CADM2: variants seen among roughly 807,000 people sequenced by gnomAD.
CADM2 encodes the protein cell adhesion molecule 2.
CADM2 carries 12 observed loss-of-function variants against 49.8 expected under a neutral mutation model. The ratio of observed to expected loss-of-function variants is 0.24; its 90% CI spans 0.15 to 0.39. The LOEUF (loss-of-function observed/expected upper bound fraction) is 0.39, where lower values mean the gene tolerates loss of function less well. Ranked by LOEUF, CADM2 falls within the 10% of genes least tolerant of loss-of-function variation. CADM2 has a pLI of 1.00. For missense variants in CADM2, 378 were observed against 492.3 expected (o/e 0.77, Z 2.20); for synonymous variants, 214 against 175.4 (o/e 1.22, Z -1.74).
intron 5 of CADM2, among the ~76,000 whole-genome samples, chr3:85,896,072 A>G (rs1386927128): frequency 1.3e-5 from 2 of 152,152 alleles, no homozygotes; most frequent in African/African-American, 4.8e-5. Context: ...AGGAGGATCA[A>G]TTGAACCCAA....
rs1371115020 is a variant in CADM2, at chr3:85,541,717, ATTATATATATATATT to A, written c.62-184792_62-184778del. Among the ~76,000 whole-genome samples, 116 of 135,530 alleles carry A rather than the reference ATTATATATATATATT, an allele frequency of 8.6e-4. 6 individuals are homozygous for A. The highest frequency in any genetic ancestry group is 3.3e-3 in the African/African-American group (114 of 34,760). The allele number at this position is 135,530 out of a possible 152,430, so 88.9% of individuals were successfully genotyped here. ...GAATTAAATTATATATATATTTTAT[ATTATATATATATATT>A]TTATATATATATTTTATATATTTTA... On this transcript the variant is annotated intron_variant, in intron 1 of 9. Coordinates refer to ENST00000383699, the MANE Select transcript of CADM2 (RefSeq NM_001167675.2).
chr3:85,333,683 C>A (rs1230914778), intron 1 of CADM2, among the ~76,000 whole-genome samples: 1 of 151,788 alleles, frequency 6.6e-6, no homozygotes, highest in Non-Finnish European at 1.5e-5. Context: ...TTCACATGGC[C>A]TTCCAACATT....
chr3:85,016,449 T>C (rs1248937047), intron 1 of CADM2, among the ~76,000 whole-genome samples: 2 of 152,194 alleles, frequency 1.3e-5, no homozygotes, highest in Non-Finnish European at 2.9e-5. Context: ...AGTAGACCTA[T>C]ACCTTTGCAT....
intron 1 of CADM2, among the ~76,000 whole-genome samples, chr3:85,581,122 A>G (rs1213363620): frequency 1.3e-5 from 2 of 152,174 alleles, no homozygotes; most frequent in African/African-American, 4.8e-5. Context: ...GTTTAGAAAC[A>G]TGCCTAATTT....
chr3:85,061,387 A>G (rs1385924149), intron 1 of CADM2, among the ~76,000 whole-genome samples: 1 of 152,180 alleles, frequency 6.6e-6, no homozygotes, highest in African/African-American at 2.4e-5. Flanking sequence ...TATTAATGAT[A>G]CTAACTGGCA....
chr3:85,500,303 AT>A (rs1169989885), intron 1 of CADM2, among the ~76,000 whole-genome samples: 6 of 152,170 alleles, frequency 3.9e-5, no homozygotes, highest in South Asian at 2.1e-4. Context: ...CTATAAAAAA[AT>A]GGTAAAAATG....
chr3:85,283,918 A>G (rs2043564700), intron 1 of CADM2, among the ~76,000 whole-genome samples: 1 of 152,146 alleles, frequency 6.6e-6, no homozygotes, highest in Non-Finnish European at 1.5e-5. Context: ...GAGTTGAAAA[A>G]TGTCAGTAAA....
At chr3:85,823,647 A>G (rs2073734155) in intron 3 of CADM2, among the ~76,000 whole-genome samples, 2 of 152,170 alleles carry the variant, frequency 1.3e-5, no homozygotes, top group South Asian at 4.1e-4. Flanking sequence ...GTGTCTATCA[A>G]ATATTATCAC....
At chr3:85,350,157 T>C (rs1025918425) in intron 1 of CADM2, among the ~76,000 whole-genome samples, 13 of 152,184 alleles carry the variant, frequency 8.5e-5, no homozygotes. Flanking sequence ...TTTTAGTTCT[T>C]AGTGTCTATA....
intron 3 of CADM2, among the ~76,000 whole-genome samples, chr3:85,817,170 A>G (rs1367058945): frequency 6.6e-6 from 1 of 152,150 alleles, no homozygotes; most frequent in Admixed American, 6.6e-5. Flanking sequence ...AAGTGTGGGT[A>G]TTTTTAAGAA....
At chr3:85,742,268 A>C (rs1361608202) in intron 2 of CADM2, among the ~76,000 whole-genome samples, 1 of 152,218 alleles carries the variant, frequency 6.6e-6, no homozygotes, top group African/African-American at 2.4e-5. Flanking sequence ...ATTCTGTTAC[A>C]TTCAGTGGGT....
intron 8 of CADM2, among the ~76,000 whole-genome samples, chr3:86,024,051 G>T (rs775211797): frequency 1.3e-5 from 2 of 152,146 alleles, no homozygotes; most frequent in African/African-American, 2.4e-5. Context: ...GCTTGCCAAA[G>T]AAATATTTAC....
chr3:84,978,115 A>T (rs868433408), intron 1 of CADM2, among the ~76,000 whole-genome samples: 22 of 152,186 alleles, frequency 1.4e-4, no homozygotes, highest in African/African-American at 5.3e-4. Context: ...AGAAATTAAT[A>T]TAAATGTGCT....
chr3:85,295,090 A>G (rs1197965333), intron 1 of CADM2, among the ~76,000 whole-genome samples: 2 of 152,224 alleles, frequency 1.3e-5, no homozygotes, highest in African/African-American at 2.4e-5. Context: ...AAACAAATTT[A>G]GAAGAAAAAA....
intron 1 of CADM2, among the ~76,000 whole-genome samples, chr3:85,323,140 A>G (rs1352525321): frequency 1.3e-5 from 2 of 152,050 alleles, no homozygotes; most frequent in African/African-American, 4.8e-5. Flanking sequence ...AATTATTTAT[A>G]ATTGTTGTGT....
chr3:85,998,538 AAAAT>A (rs1457657290), intron 8 of CADM2, among the ~76,000 whole-genome samples: 3 of 152,174 alleles, frequency 2.0e-5, no homozygotes, highest in African/African-American at 4.8e-5. Flanking sequence ...AGCAGTCGTG[AAAAT>A]AAATATATAT....
intron 1 of CADM2, among the ~76,000 whole-genome samples, chr3:85,134,395 G>T (rs990923339): frequency 1.3e-5 from 2 of 152,232 alleles, no homozygotes; most frequent in Non-Finnish European, 2.9e-5. Flanking sequence ...AGCGAGGGCC[G>T]TGGGGACTGC....
chr3:85,189,950 ATTTTTTTTT>A (rs141488458), intron 1 of CADM2, among the ~76,000 whole-genome samples: 1 of 71,074 alleles, frequency 1.4e-5, no homozygotes, highest in African/African-American at 5.7e-5. Context: ...GGTCTCCCTC[ATTTTTTTTT>A]TTTTTTTTTT....
At chr3:85,662,907 A>C (rs2065453041) in intron 1 of CADM2, among the ~76,000 whole-genome samples, 2 of 152,058 alleles carry the variant, frequency 1.3e-5, no homozygotes. Flanking sequence ...ATTATACCAC[A>C]CAAGTACAAA....
Sources: allele counts gnomAD v4.1 joint callset (sites outside exome capture counted in the v4.1 genomes callset), GRCh38; gene constraint gnomAD v4.1.1; transcripts MANE v1.5; gene names NCBI Gene and HGNC (gene_info 2026-07-23, HGNC 2026-07-21).